CADM1: variants seen among roughly 807,000 people sequenced by gnomAD.
CADM1 encodes the protein TSLC-1.
A neutral mutation model predicts 53.1 loss-of-function variants in CADM1; 15 were observed. That is an observed-to-expected ratio of 0.28 (90% CI 0.19 to 0.44). The LOEUF (loss-of-function observed/expected upper bound fraction) is 0.44. CADM1 is among the 20% of genes least tolerant of loss of function. CADM1 has a pLI of 1.00. For missense variants in CADM1, 434 were observed against 611.3 expected (o/e 0.71, Z 3.06); for synonymous variants, 281 against 243.0 (o/e 1.16, Z -1.45).
At chr11:115,211,735 C>A (rs539277609) in intron 7 of CADM1, among the ~76,000 whole-genome samples, 32 of 151,866 alleles carry the variant, frequency 2.1e-4, no homozygotes, top group Admixed American at 4.6e-4. Context: ...GTGATCCACC[C>A]ACCTCGGCCT....
intron 1 of CADM1, among the ~76,000 whole-genome samples, chr11:115,293,928 C>T (rs1943977554): frequency 6.6e-6 from 1 of 152,138 alleles, no homozygotes; most frequent in South Asian, 2.1e-4. Flanking sequence ...GGTCTGAACT[C>T]ACAGGGTTCA....
At chr11:115,411,810 T>C (rs984644224) in intron 1 of CADM1, among the ~76,000 whole-genome samples, 1 of 152,180 alleles carries the variant, frequency 6.6e-6, no homozygotes, top group African/African-American at 2.4e-5. Context: ...TCAGTGGTTT[T>C]ATTTCTCCAA....
intron 1 of CADM1, among the ~76,000 whole-genome samples, chr11:115,277,053 C>T (rs1943465147): frequency 1.3e-5 from 2 of 152,220 alleles, no homozygotes; most frequent in Admixed American, 6.5e-5. Flanking sequence ...GAAGGCTTGT[C>T]AGCAACGAAA....
At chr11:115,328,696 A>G (rs11215490) in intron 1 of CADM1, among the ~76,000 whole-genome samples, 1 of 15,790 alleles carries the variant, frequency 6.3e-5, no homozygotes, top group Admixed American at 1.3e-3. Flanking sequence ...ATATGTGTAT[A>G]TATATGTATA....
chr11:115,398,766 C>A (rs1947065227), intron 1 of CADM1, among the ~76,000 whole-genome samples: 1 of 152,146 alleles, frequency 6.6e-6, no homozygotes, highest in Admixed American at 6.5e-5. Context: ...TTTAACTAGG[C>A]TCTTTTAATG....
chr11:115,371,809 AT>A (rs1410223907), intron 1 of CADM1, among the ~76,000 whole-genome samples: 46 of 10,356 alleles, frequency 4.4e-3, no homozygotes, highest in East Asian at 0.041. Context: ...CAGCTAATGG[AT>A]TTTTTTTTTA....
At chr11:115,304,670 T>C (rs1944317432) in intron 1 of CADM1, among the ~76,000 whole-genome samples, 1 of 152,184 alleles carries the variant, frequency 6.6e-6, no homozygotes, top group East Asian at 1.9e-4. Context: ...TGATTGGATA[T>C]CATACCACAA....
intron 1 of CADM1, among the ~76,000 whole-genome samples, chr11:115,424,089 C>G (rs980018313): frequency 1.3e-4 from 20 of 152,198 alleles, no homozygotes; most frequent in African/African-American, 4.8e-4. Context: ...ATCATTCCTG[C>G]TTCTTGAGCT....
chr11:115,359,508 G>C (rs934464006), intron 1 of CADM1, among the ~76,000 whole-genome samples: 1 of 152,054 alleles, frequency 6.6e-6, no homozygotes, highest in Non-Finnish European at 1.5e-5. Flanking sequence ...ACATGACACA[G>C]TCATATTAGA....
intron 1 of CADM1, among the ~76,000 whole-genome samples, chr11:115,454,109 A>C (rs533698791): frequency 2.6e-4 from 39 of 152,330 alleles, no homozygotes; most frequent in African/African-American, 8.9e-4. Context: ...TGGATTTGGA[A>C]GCAAAATTAA....
At chr11:115,391,159 G>C (rs1285627527) in intron 1 of CADM1, among the ~76,000 whole-genome samples, 1 of 152,128 alleles carries the variant, frequency 6.6e-6, no homozygotes, top group Non-Finnish European at 1.5e-5. Flanking sequence ...CTTATAACCT[G>C]TCTGCATTAA....
intron 1 of CADM1, among the ~76,000 whole-genome samples, chr11:115,346,609 G>T (rs1427161414): frequency 6.6e-6 from 1 of 151,800 alleles, no homozygotes; most frequent in East Asian, 1.9e-4. Flanking sequence ...TTTTTTGTTG[G>T]GGTGAGTAAC....
intron 1 of CADM1, among the ~76,000 whole-genome samples, chr11:115,428,813 A>T (rs1947966835): frequency 2.0e-5 from 3 of 152,032 alleles, no homozygotes; most frequent in Admixed American, 2.0e-4. Context: ...GTGTGCGCAT[A>T]TGAGCAGACT....
At chr11:115,464,336 C>T (rs1353713806) in intron 1 of CADM1, among the ~76,000 whole-genome samples, 1 of 152,184 alleles carries the variant, frequency 6.6e-6, no homozygotes, top group East Asian at 1.9e-4. Context: ...CTTCTACTGA[C>T]AGGTCCTGAA....
intron 3 of CADM1, among the ~76,000 whole-genome samples, chr11:115,232,635 T>C (rs931313540): frequency 3.3e-5 from 5 of 152,132 alleles, no homozygotes; most frequent in African/African-American, 1.2e-4. Flanking sequence ...ATCAAGAGTA[T>C]GTAGTGTGAT....
chr11:115,224,815 T>G (rs1170340471), intron 5 of CADM1, among the ~76,000 whole-genome samples: 1 of 152,200 alleles, frequency 6.6e-6, no homozygotes, highest in Non-Finnish European at 1.5e-5. Flanking sequence ...AACAGGCTTT[T>G]ATTTGACAAG....
rs45536831 is a variant in CADM1, at chr11:115,420,637, C to G, written c.124+83634G>C. On this transcript the variant is annotated intron_variant, in intron 1 of 11. Transcript: ENST00000331581. ...GTCTCCAGCCAAAACAGGAGAGGTT[C>G]CTACTCAAAGAGGCCCAGAGGACCT... 9.8e-3 allele frequency among the ~76,000 whole-genome samples: 1,486 copies of G among 152,268 alleles called. 13 individuals carry two copies. The highest frequency in any genetic ancestry group is 0.015 in the Non-Finnish European group (1,004 of 68,018).
intron 8 of CADM1, among the ~76,000 whole-genome samples, chr11:115,200,680 A>C (rs1940383189): frequency 6.6e-6 from 1 of 152,170 alleles, no homozygotes; most frequent in African/African-American, 2.4e-5. Context: ...TTTTTAGTGG[A>C]GACGGGGCTT....
chr11:115,462,751 A>C (rs562866210), intron 1 of CADM1, among the ~76,000 whole-genome samples: 48 of 152,348 alleles, frequency 3.2e-4, no homozygotes, highest in African/African-American at 1.1e-3. Flanking sequence ...AGAGGCTGGG[A>C]GCCTATTTCC....
Sources: allele counts gnomAD v4.1 joint callset (sites outside exome capture counted in the v4.1 genomes callset), GRCh38; gene constraint gnomAD v4.1.1; transcripts MANE v1.5; gene names NCBI Gene and HGNC (gene_info 2026-07-23, HGNC 2026-07-21).